PCDHA4: variants seen among roughly 807,000 people sequenced by gnomAD.
PCDHA4 encodes the protein protocadherin alpha 4.
PCDHA4 carries 49 observed loss-of-function variants against 61.4 expected under a neutral mutation model. The ratio of observed to expected loss-of-function variants is 0.80; its 90% confidence interval spans 0.63 to 1.01. PCDHA4 has a LOEUF of 1.01. Among genes scored for constraint, PCDHA4 ranks in the 50% least tolerant of loss-of-function variants. The probability of loss-of-function intolerance (pLI) is 0.00; values close to 1 mark genes in which losing one functional copy is unlikely to be tolerated. For synonymous variants in PCDHA4, 590 were observed against 550.3 expected (o/e 1.07, Z -1.01); for missense variants, 1,254 against 1,235.8 (o/e 1.01, Z -0.22).
intron 3 of PCDHA4, among the ~76,000 whole-genome samples, chr5:140,999,693 A>AT (rs202183337): frequency 0.011 from 1,632 of 151,520 alleles, 13 homozygotes; most frequent in Middle Eastern, 0.058. Flanking sequence ...AAGAAATGTG[A>AT]TTTTTTTTTA....
intron 1 of PCDHA4, among the ~76,000 whole-genome samples, chr5:140,951,214 T>C (rs994639576): frequency 1.3e-5 from 2 of 152,218 alleles, no homozygotes; most frequent in African/African-American, 2.4e-5. Context: ...ATCTCAGGTT[T>C]GGATTCTTGA....
At chr5:140,863,176 A>G (rs199525571) in intron 1 of PCDHA4, 25 of 723,868 alleles carry the variant, frequency 3.5e-5, no homozygotes, top group South Asian at 2.0e-4. Flanking sequence ...GCTGACTGCC[A>G]CCGTCACCGT....
chr5:140,807,237 T>A lies in PCDHA4; in HGVS notation c.50T>A (p.Leu17Ter), dbSNP rs781879266. Residue 17 changes from leucine (L) to a stop codon, truncating the protein, a stop_gained, in exon 1 of 4, where the codon TTA becomes TAA. Coordinates refer to ENST00000530339, the MANE Select transcript of PCDHA4 (RefSeq NM_018907.4). LOFTEE classifies it high-confidence loss of function. ...CAGGAATCCCGGCGTCTGCTGCTCTTACTTCTTCTCCTCGCAGCCTGGGAG... is the reference window on the plus strand; with the variant it reads ...CAGGAATCCCGGCGTCTGCTGCTCTAACTTCTTCTCCTCGCAGCCTGGGAG... ...SGQESRRLLLLLLLLAAWEAG... is the reference protein window; with the variant it reads ...SGQESRRLLL 1.9e-6 allele frequency: 3 copies of A among 1,614,194 alleles called. No homozygotes were observed. Among genetic ancestry groups the A allele is most frequent in the Non-Finnish European group, 2.5e-6 (3 of 1,180,018 alleles).
chr5:140,929,870 A>T (rs1056539262), intron 1 of PCDHA4: 1 of 153,262 alleles, frequency 6.5e-6, no homozygotes, highest in Admixed American at 6.5e-5. Flanking sequence ...AGGCTTTGTG[A>T]TAGAGATCAC....
chr5:140,823,111 G>T (rs2150122430), intron 1 of PCDHA4: 3 of 1,614,060 alleles, frequency 1.9e-6, no homozygotes, highest in Non-Finnish European at 1.7e-6. Flanking sequence ...GGAAGTGGCC[G>T]ACGTGAACGA....
At chr5:140,996,275 C>T (rs534624070) in intron 3 of PCDHA4, among the ~76,000 whole-genome samples, 43 of 152,224 alleles carry the variant, frequency 2.8e-4, no homozygotes, top group African/African-American at 8.7e-4. Flanking sequence ...GGGATTGCTG[C>T]CAAATTTCAA....
intron 3 of PCDHA4, among the ~76,000 whole-genome samples, chr5:141,003,794 G>A (rs1158199764): frequency 6.6e-6 from 1 of 152,102 alleles, no homozygotes; most frequent in Non-Finnish European, 1.5e-5. Context: ...AAATCCTATT[G>A]GGTTGTAATC....
At chr5:140,876,955 G>C in intron 1 of PCDHA4, 1 of 1,613,390 alleles carries the variant, frequency 6.2e-7, no homozygotes, top group Admixed American at 1.7e-5. Flanking sequence ...CTACTCGCTG[G>C]TGGAGCGGCG....
At chr5:140,830,386 C>G (rs1771037269) in intron 1 of PCDHA4, 10 of 1,614,032 alleles carry the variant, frequency 6.2e-6, no homozygotes, top group Non-Finnish European at 8.5e-6. Flanking sequence ...AGGGCCCACC[C>G]AAGATGGATC....
At chr5:140,934,279 A>G (rs2089746811) in intron 1 of PCDHA4, among the ~76,000 whole-genome samples, 1 of 152,104 alleles carries the variant, frequency 6.6e-6, no homozygotes, top group South Asian at 2.1e-4. Flanking sequence ...TGCTTCATCA[A>G]GGGCATTCTT....
At chr5:140,924,872 G>C (rs1161649938) in intron 1 of PCDHA4, among the ~76,000 whole-genome samples, 1 of 149,350 alleles carries the variant, frequency 6.7e-6, no homozygotes, top group Non-Finnish European at 1.5e-5. Context: ...TCCAGCCTGG[G>C]TGACAGAGCA....
intron 1 of PCDHA4, chr5:140,867,147 C>T (rs1554160998): frequency 6.6e-6 from 1 of 152,068 alleles, no homozygotes; most frequent in East Asian, 1.9e-4. Flanking sequence ...TATCATTTTT[C>T]CAGAGTAAAC....
intron 1 of PCDHA4, chr5:140,882,195 T>C: frequency 1.3e-6 from 2 of 1,521,122 alleles, no homozygotes; most frequent in Non-Finnish European, 8.8e-7. Flanking sequence ...GCCATAAAAA[T>C]TGGGCCTTGA....
At chr5:140,947,601 A>G (rs1296948194) in intron 1 of PCDHA4, among the ~76,000 whole-genome samples, 1 of 151,680 alleles carries the variant, frequency 6.6e-6, no homozygotes, top group Non-Finnish European at 1.5e-5. Context: ...TTTAGGGAAG[A>G]TTTGGTATCT....
chr5:140,863,148 G>A (rs782014665), intron 1 of PCDHA4: 1 of 616,420 alleles, frequency 1.6e-6, no homozygotes, highest in Non-Finnish European at 3.1e-6. Context: ...TGCTGGTGAA[G>A]GACCACTGCG....
rs1290458104 is a variant in PCDHA4 at position 140,849,842 on chromosome 5, C to T, written c.2385+40270C>T. 18 of 1,598,416 alleles carry T rather than the reference C, an allele frequency of 1.1e-5. 3 individuals carry two copies. Among genetic ancestry groups the T allele is most frequent in the Admixed American group, 1.7e-5 (1 of 59,304 alleles). On this transcript the variant is annotated intron_variant, in intron 1 of 3. Coordinates refer to ENST00000530339, the MANE Select transcript of PCDHA4 (RefSeq NM_018907.4). The stretch of plus-strand genomic sequence containing the variant: ...TGTCTGTGGAGGTGGCCGACGTGAA[C>T]GACAACGCACCAGCGTTCGCGCAGT...
intron 1 of PCDHA4, chr5:140,830,858 A>G (rs1554133040): frequency 6.5e-6 from 1 of 153,326 alleles, no homozygotes; most frequent in African/African-American, 2.4e-5. Context: ...CTCTTTTTTG[A>G]TCATATATTG....
intron 1 of PCDHA4, chr5:140,967,025 C>A: frequency 1.2e-6 from 2 of 1,608,362 alleles, no homozygotes; most frequent in Non-Finnish European, 8.5e-7. Flanking sequence ...TGCGCCCAGT[C>A]CGCGCTACCT....
intron 1 of PCDHA4, chr5:140,824,245 C>A: frequency 1.4e-6 from 2 of 1,462,164 alleles, no homozygotes; most frequent in Non-Finnish European, 9.5e-7. Flanking sequence ...TATTGTGGTA[C>A]ACAATTATTG....
Sources: gnomAD v4.1 joint callset for allele counts (sites outside exome capture counted in the v4.1 genomes callset) on GRCh38, gnomAD v4.1.1 for gene constraint, MANE v1.5 for transcripts, NCBI Gene and HGNC (gene_info 2026-07-23, HGNC 2026-07-21) for gene names.